MIR2052HG: variants seen among roughly 807,000 people sequenced by gnomAD.
The protein encoded by MIR2052HG is MIR2052 host gene.
At chr8:74,746,567 AGTGTGTGT>A (rs72103010) in intron 4 of MIR2052HG, among the ~76,000 whole-genome samples, 25 of 147,640 alleles carry the variant, frequency 1.7e-4, no homozygotes, top group South Asian at 8.8e-4. Flanking sequence ...GAGGAGAAGA[AGTGTGTGT>A]GTGTGTGTGT....
At chr8:74,667,756 C>T (rs941053495) in intron 2 of MIR2052HG, among the ~76,000 whole-genome samples, 1 of 152,090 alleles carries the variant, frequency 6.6e-6, no homozygotes, top group African/African-American at 2.4e-5. Flanking sequence ...CCGCAGCACT[C>T]CATTAATTGT....
intron 2 of MIR2052HG, among the ~76,000 whole-genome samples, chr8:74,626,774 A>G (rs1808442160): frequency 6.6e-6 from 1 of 152,206 alleles, no homozygotes. Flanking sequence ...ATACCTGGAC[A>G]TCCCTACATT....
At chr8:74,749,848 CAAAAA>C (rs10628806) in intron 4 of MIR2052HG, among the ~76,000 whole-genome samples, 1 of 107,796 alleles carries the variant, frequency 9.3e-6, no homozygotes. Context: ...GACTCCATCT[CAAAAA>C]AAAAAAAAAA....
chr8:74,650,730 G>C (rs887713122), intron 2 of MIR2052HG, among the ~76,000 whole-genome samples: 1 of 152,106 alleles, frequency 6.6e-6, no homozygotes, highest in African/African-American at 2.4e-5. Context: ...GGTCATTCCA[G>C]TGGGTTTTTA....
chr8:74,620,089 A>G (rs995606382), intron 2 of MIR2052HG, among the ~76,000 whole-genome samples: 3 of 152,238 alleles, frequency 2.0e-5, no homozygotes, highest in African/African-American at 7.2e-5. Context: ...CTGAAATCCA[A>G]TAGAGCAGTC....
At chr8:74,641,363 G>T (rs1175745916) in intron 2 of MIR2052HG, among the ~76,000 whole-genome samples, 1 of 152,102 alleles carries the variant, frequency 6.6e-6, no homozygotes, top group African/African-American at 2.4e-5. Context: ...AGGACAACCT[G>T]TTAAAGAGAT....
chr8:74,626,015 G>T (rs73337254), intron 2 of MIR2052HG, among the ~76,000 whole-genome samples: 5,456 of 152,152 alleles, frequency 0.036, 280 homozygotes, highest in African/African-American at 0.12. Flanking sequence ...CCCCAAAGAG[G>T]CTCCTTTCTT....
At chr8:74,668,265 T>C (rs1412191899) in intron 2 of MIR2052HG, among the ~76,000 whole-genome samples, 1 of 152,110 alleles carries the variant, frequency 6.6e-6, no homozygotes, top group Non-Finnish European at 1.5e-5. Flanking sequence ...AAGCCTACTT[T>C]TGATATTTTA....
intron 2 of MIR2052HG, among the ~76,000 whole-genome samples, chr8:74,626,445 G>A (rs140582793): frequency 6.6e-5 from 10 of 152,280 alleles, no homozygotes; most frequent in African/African-American, 2.4e-4. Flanking sequence ...TACCTTCTCT[G>A]TGGATGGAAG....
At chr8:74,722,543 C>A (rs1163653617) in intron 4 of MIR2052HG, among the ~76,000 whole-genome samples, 2 of 152,008 alleles carry the variant, frequency 1.3e-5, no homozygotes, top group African/African-American at 4.8e-5. Flanking sequence ...CTGATATAAC[C>A]TTGCTTTCTC....
chr8:74,707,006 A>C (rs1809417792), intron 4 of MIR2052HG, among the ~76,000 whole-genome samples: 1 of 152,126 alleles, frequency 6.6e-6, no homozygotes, highest in African/African-American at 2.4e-5. Flanking sequence ...ATTTCATCAC[A>C]TCCCACTATT....
At chr8:74,651,018 G>C (rs1357634578) in intron 2 of MIR2052HG, among the ~76,000 whole-genome samples, 1 of 151,972 alleles carries the variant, frequency 6.6e-6, no homozygotes, top group Non-Finnish European at 1.5e-5. Flanking sequence ...TCATATCTTG[G>C]ATAAAAATGC....
At chr8:74,657,020 G>T (rs1421887060) in intron 2 of MIR2052HG, among the ~76,000 whole-genome samples, 1 of 152,192 alleles carries the variant, frequency 6.6e-6, no homozygotes, top group Non-Finnish European at 1.5e-5. Context: ...GGACATGAGT[G>T]CCTTGGTGCT....
intron 2 of MIR2052HG, among the ~76,000 whole-genome samples, chr8:74,642,081 C>T (rs1419961317): frequency 6.6e-6 from 1 of 152,024 alleles, no homozygotes. Context: ...ATTTAATCCT[C>T]CCATTTATAT....
At chr8:74,698,294 G>T (rs1352945504) in intron 2 of MIR2052HG, among the ~76,000 whole-genome samples, 2 of 152,172 alleles carry the variant, frequency 1.3e-5, no homozygotes, top group Admixed American at 6.6e-5. Context: ...TGGGATAATT[G>T]GCTAGCCGCA....
intron 2 of MIR2052HG, among the ~76,000 whole-genome samples, chr8:74,695,921 CAG>C (rs1809291032): frequency 6.6e-6 from 1 of 152,052 alleles, no homozygotes; most frequent in Admixed American, 6.6e-5. Flanking sequence ...GTCATCAAGA[CAG>C]AAAGTCAACA....
At chr8:74,662,424 G>A (rs1169062463) in intron 2 of MIR2052HG, among the ~76,000 whole-genome samples, 3 of 151,654 alleles carry the variant, frequency 2.0e-5, no homozygotes, top group East Asian at 3.9e-4. Flanking sequence ...ATCACATACT[G>A]GGGCCTGCTG....
At chr8:74,653,305 A>G (rs1269661356) in intron 2 of MIR2052HG, among the ~76,000 whole-genome samples, 3 of 152,228 alleles carry the variant, frequency 2.0e-5, no homozygotes, top group African/African-American at 7.2e-5. Context: ...ATTTGGTGTT[A>G]CAGGATTTAT....
chr8:74,677,549 C>T (rs944816524), intron 2 of MIR2052HG, among the ~76,000 whole-genome samples: 1 of 151,958 alleles, frequency 6.6e-6, no homozygotes, highest in African/African-American at 2.4e-5. Flanking sequence ...CAAAAATTAA[C>T]ATATCAAAAA....
Sources: gnomAD v4.1 joint callset for allele counts (sites outside exome capture counted in the v4.1 genomes callset) on GRCh38, gnomAD v4.1.1 for gene constraint, MANE v1.5 for transcripts, NCBI Gene and HGNC (gene_info 2026-07-23, HGNC 2026-07-21) for gene names.